Variants in RALGAPA2 observed in about 807,000 individuals in gnomAD.
RALGAPA2 encodes ral GTPase-activating protein subunit alpha-2.
In RALGAPA2, 139 loss-of-function variants were observed where a neutral mutation model predicts 230.4. That is an observed-to-expected ratio of 0.60 (90% CI 0.53 to 0.69). RALGAPA2 has a LOEUF of 0.69. Among genes scored for constraint, RALGAPA2 ranks in the 30% least tolerant of loss-of-function variants. RALGAPA2 has a pLI of 0.00. For synonymous variants in RALGAPA2, 847 were observed against 837.8 expected, an observed-to-expected ratio of 1.01 and a Z score of -0.19; for missense variants, 2,163 against 2,276.0, an observed-to-expected ratio of 0.95 and a Z score of 1.01.
At chr20:20,549,387 A>AC (rs903457737) in intron 23 of RALGAPA2, among the ~76,000 whole-genome samples, 1 of 152,142 alleles carries the variant, frequency 6.6e-6, no homozygotes, top group African/African-American at 2.4e-5. Context: ...CTTCAACGGA[A>AC]CCTGCTACTA....
intron 23 of RALGAPA2, among the ~76,000 whole-genome samples, chr20:20,547,869 C>A (rs186112699): frequency 3.9e-5 from 6 of 152,142 alleles, no homozygotes; most frequent in Non-Finnish European, 8.8e-5. Flanking sequence ...TACTACACAT[C>A]CAGGATACAA....
chr20:20,633,009 T>TTCTC (rs376406756), intron 9 of RALGAPA2, among the ~76,000 whole-genome samples: 38 of 151,160 alleles, frequency 2.5e-4, no homozygotes, highest in African/African-American at 7.0e-4. Flanking sequence ...TACTGGGTCT[T>TTCTC]TCTCTCTCTC....
intron 26 of RALGAPA2, among the ~76,000 whole-genome samples, chr20:20,532,443 G>T (rs1168137608): frequency 6.6e-6 from 1 of 152,154 alleles, no homozygotes; most frequent in African/African-American, 2.4e-5. Context: ...TGGTTTAGAT[G>T]CAGTAGGTGT....
In RALGAPA2 at chr20:20,427,319, C is replaced by A. The variant is rs374058833; in HGVS notation, c.5496-15171G>T. On this transcript the variant is annotated intron_variant, in intron 37 of 39. Coordinates refer to ENST00000202677, the MANE Select transcript of RALGAPA2 (RefSeq NM_020343.4). ...GCATTTCAAGTATTTTTGGCTCTTA[C>A]AAGCCAGTGAGAGAAATCCCTGTGG... 3.4e-4 allele frequency among the ~76,000 whole-genome samples: 52 copies of A among 152,266 alleles called. No individual in the cohort carries two copies. In the South Asian group the frequency reaches 0.011, roughly 32 times the overall value.
chr20:20,476,154 C>A (rs6046893), intron 36 of RALGAPA2, among the ~76,000 whole-genome samples: 18,527 of 152,016 alleles, frequency 0.12, 2,104 homozygotes, highest in African/African-American at 0.29. Context: ...ATTCTGCTAA[C>A]ATTAAGCTAT....
chr20:20,704,543 C>T (rs2069520271), intron 1 of RALGAPA2, among the ~76,000 whole-genome samples: 1 of 152,304 alleles, frequency 6.6e-6, no homozygotes, highest in Admixed American at 6.5e-5. Context: ...TCCTCTCACT[C>T]TCCACCTCTC....
intron 3 of RALGAPA2, among the ~76,000 whole-genome samples, chr20:20,665,545 T>G (rs891416980): frequency 1.3e-5 from 2 of 152,252 alleles, no homozygotes; most frequent in Non-Finnish European, 2.9e-5. Flanking sequence ...AAAGGGAGAC[T>G]GCAGTCTTTA....
intron 9 of RALGAPA2, among the ~76,000 whole-genome samples, chr20:20,634,791 C>G (rs965370199): frequency 2.6e-5 from 4 of 152,192 alleles, no homozygotes; most frequent in African/African-American, 9.7e-5. Context: ...CACCAAGTCC[C>G]TAAGTAACTC....
chr20:20,641,307 G>C (rs1345603712), intron 5 of RALGAPA2, among the ~76,000 whole-genome samples: 2 of 152,114 alleles, frequency 1.3e-5, no homozygotes, highest in Non-Finnish European at 2.9e-5. Context: ...ATTCTGTAAG[G>C]CAACAGTACC....
chr20:20,654,283 G>T (rs1233127207), intron 3 of RALGAPA2, among the ~76,000 whole-genome samples: 1 of 152,124 alleles, frequency 6.6e-6, no homozygotes, highest in Non-Finnish European at 1.5e-5. Flanking sequence ...CTGCCTCCAC[G>T]GTTCAAGTGA....
chr20:20,597,438 A>G (rs1324951006), intron 16 of RALGAPA2, among the ~76,000 whole-genome samples: 2 of 152,160 alleles, frequency 1.3e-5, no homozygotes, highest in East Asian at 3.9e-4. Context: ...GCTCTTGGTA[A>G]AACTTCTTCC....
At chr20:20,594,954 T>C in intron 16 of RALGAPA2, among the ~76,000 whole-genome samples, 1 of 152,120 alleles carries the variant, frequency 6.6e-6, no homozygotes, top group Non-Finnish European at 1.5e-5. Context: ...TCTCCTGACC[T>C]CATGATCCAC....
chr20:20,395,855 G>A (rs2059703247), intron 39 of RALGAPA2, among the ~76,000 whole-genome samples: 4 of 152,220 alleles, frequency 2.6e-5, no homozygotes, highest in Admixed American at 2.0e-4. Flanking sequence ...AGTGACTGGT[G>A]TCTGTGCCTT....
chr20:20,432,153 T>C (rs1463769643), intron 37 of RALGAPA2, among the ~76,000 whole-genome samples: 1 of 152,336 alleles, frequency 6.6e-6, no homozygotes, highest in South Asian at 2.1e-4. Context: ...ACTGTCAGAA[T>C]TCATGAGAGG....
chr20:20,475,186 T>C (rs2061623627), intron 36 of RALGAPA2, among the ~76,000 whole-genome samples: 1 of 152,202 alleles, frequency 6.6e-6, no homozygotes, highest in African/African-American at 2.4e-5. Context: ...GCCCCTTTTC[T>C]GTGGTTGGCA....
chr20:20,633,329 T>C (rs2066750642), intron 9 of RALGAPA2, among the ~76,000 whole-genome samples: 1 of 151,734 alleles, frequency 6.6e-6, no homozygotes, highest in South Asian at 2.1e-4. Context: ...GAGACGGCAT[T>C]TCACCATGTT....
At chr20:20,631,197 A>G (rs778415312) in intron 9 of RALGAPA2, among the ~76,000 whole-genome samples, 1 of 152,360 alleles carries the variant, frequency 6.6e-6, no homozygotes, top group East Asian at 1.9e-4. Flanking sequence ...ACCAGAAAAC[A>G]GAACAAGAAG....
At chr20:20,592,217 G>A (rs1602978775) in intron 16 of RALGAPA2, among the ~76,000 whole-genome samples, 1 of 152,140 alleles carries the variant, frequency 6.6e-6, no homozygotes, top group African/African-American at 2.4e-5. Context: ...AGATCTGGCT[G>A]TGCCACTCCT....
At chr20:20,485,568 AT>A (rs1217465062) in intron 36 of RALGAPA2, among the ~76,000 whole-genome samples, 1 of 151,956 alleles carries the variant, frequency 6.6e-6, no homozygotes, top group Non-Finnish European at 1.5e-5. Flanking sequence ...ATATGAGTCC[AT>A]TTTTTTCCTC....
Sources: gnomAD v4.1 joint callset for allele counts (sites outside exome capture counted in the v4.1 genomes callset) on GRCh38, gnomAD v4.1.1 for gene constraint, MANE v1.5 for transcripts, NCBI Gene and HGNC (gene_info 2026-07-23, HGNC 2026-07-21) for gene names.